CD3D: variants seen among roughly 807,000 people sequenced by gnomAD.
CD3D encodes the protein T-cell surface glycoprotein CD3 delta chain.
CD3D carries 22 observed loss-of-function variants against 22.0 expected under a neutral mutation model. That is an observed-to-expected ratio of 1.00 (90% CI 0.71 to 1.43). The LOEUF (loss-of-function observed/expected upper bound fraction) is 1.43, where lower values mean the gene tolerates loss of function less well. Ranked by LOEUF, CD3D falls within the 40% of genes most tolerant of loss-of-function variation. CD3D has a pLI of 0.00. For synonymous variants in CD3D, 74 were observed against 81.2 expected, an observed-to-expected ratio of 0.91 and a Z score of 0.48; for missense variants, 205 against 211.7, an observed-to-expected ratio of 0.97 and a Z score of 0.20.
intron 4 of CD3D, 111 bp from the exon 5 acceptor site, chr11:118,339,338 C>G: frequency 6.8e-7 from 1 of 1,477,388 alleles, no homozygotes; most frequent in Non-Finnish European, 9.5e-7. Context: ...CAGTCACACC[C>G]AGCAATGAAC....
At chr11:118,340,285 G>A in intron 2 of CD3D, 90 bp downstream of exon 2, 1 of 1,019,528 alleles carries the variant, frequency 9.8e-7, no homozygotes, top group Non-Finnish European at 1.5e-6. Flanking sequence ...TTAGAGAACA[G>A]ATGGGTTCAC....
At chr11:118,341,219 G>A (rs117930635) in intron 1 of CD3D, among the ~76,000 whole-genome samples, 1 of 152,166 alleles carries the variant, frequency 6.6e-6, no homozygotes, top group East Asian at 1.9e-4. Context: ...CAAATCCCAT[G>A]TACAGTTTTC....
intron 1 of CD3D, among the ~76,000 whole-genome samples, chr11:118,341,565 T>C (rs901563526): frequency 5.3e-5 from 8 of 152,194 alleles, no homozygotes; most frequent in Non-Finnish European, 7.3e-5. Flanking sequence ...TATGCATGTA[T>C]CCTCAGGGAG....
chr11:118,339,581 G>A lies in CD3D; in HGVS notation c.407-87C>T. On this transcript the variant is annotated intron_variant, in intron 3 of 4. Transcript: ENST00000300692. ...CACACCCTCAGAAGTCTGCATGAGT[G>A]ATATGAACACACAAGTTCTTTCAAC... is the stretch of plus-strand genomic sequence containing the variant. 1.9e-6 allele frequency: 3 copies of A among 1,573,406 alleles called. No individual in the cohort carries two copies. In the South Asian group the frequency reaches 3.3e-5, roughly 17 times the overall value.
chr11:118,342,046 C>A (rs528174362), intron 1 of CD3D, among the ~76,000 whole-genome samples: 6 of 152,294 alleles, frequency 3.9e-5, no homozygotes, highest in Non-Finnish European at 7.3e-5. Flanking sequence ...ACATTCTAGG[C>A]CCACATGCAC....
At chr11:118,339,049 G>C, downstream of CD3D, 3 of 951,860 alleles carry the variant, frequency 3.2e-6, no homozygotes, top group Non-Finnish European at 5.2e-6. Flanking sequence ...CCTTGCCCAG[G>C]AGCCTTAAGA....
At chr11:118,339,675 G>A in intron 3 of CD3D, 100 bp downstream of exon 3, 1 of 1,580,390 alleles carries the variant, frequency 6.3e-7, no homozygotes, top group Non-Finnish European at 8.6e-7. Flanking sequence ...CCTACCACCA[G>A]CCCCATTCCT....
intron 1 of CD3D, 121 bp from the exon 2 acceptor site, chr11:118,340,714 C>T: frequency 1.3e-6 from 1 of 763,370 alleles, no homozygotes; most frequent in Non-Finnish European, 2.3e-6. Context: ...TTATGGCTTC[C>T]ATCAAGAGAG....
intron 3 of CD3D, 91 bp from the exon 4 acceptor site, chr11:118,339,585 T>G: frequency 6.3e-7 from 1 of 1,575,646 alleles, no homozygotes. Context: ...ATGAGTGATA[T>G]GAACACACAA....
chr11:118,339,648 TC>T, intron 3 of CD3D, 126 bp downstream of exon 3: 1 of 1,563,604 alleles, frequency 6.4e-7, no homozygotes, highest in Non-Finnish European at 8.7e-7. Context: ...CAAGAGTAAC[TC>T]CCAGCTGAGA....
rs67065773 is a variant in CD3D, at chr11:118,339,709, TACACACAC to T, written c.406+58_406+65del. The T allele has an allele frequency of 7.9e-5, 121 of 1,539,232 alleles. No individual in the cohort carries two copies. The East Asian group carries it at 1.5e-3, about 19-fold the overall frequency. On this transcript the variant is annotated intron_variant, in intron 3 of 4. Transcript: ENST00000300692. ...CTTAGCTGGTGCATAAGCTCACTGGTACACACACACACACACACACACACACACACACA... is the reference window on the plus strand; with the variant it reads ...CTTAGCTGGTGCATAAGCTCACTGGTACACACACACACACACACACACACA...
chr11:118,339,262 G>A, intron 4 of CD3D, 35 bp from the exon 5 acceptor site: 1 of 1,594,908 alleles, frequency 6.3e-7, no homozygotes. Context: ...TCAGGAGGCA[G>A]GGTTAGAACT....
intron 1 of CD3D, 74 bp from the exon 2 acceptor site, chr11:118,340,667 A>C: frequency 2.9e-6 from 3 of 1,051,772 alleles, no homozygotes; most frequent in Non-Finnish European, 4.4e-6. Context: ...GCGGAAGCTC[A>C]TACTTAACAG....
intron 1 of CD3D, chr11:118,340,836 AG>A: frequency 1.5e-6 from 1 of 657,054 alleles, no homozygotes; most frequent in East Asian, 3.0e-5. Flanking sequence ...TTGGTGCAAA[AG>A]AGGACCCCTC....
rs1289724465 is a variant in CD3D at position 118,340,422 on chromosome 11, G to A, written c.227C>T (p.Thr76Ile). The A allele has an allele frequency of 1.2e-6, 2 of 1,614,054 alleles. No homozygotes were observed. The highest frequency in any genetic ancestry group is 1.3e-5 in the African/African-American group (1 of 75,012). Residue 76 changes from threonine (T) to isoleucine (I), a missense_variant, in exon 2 of 5, where the codon ACA becomes ATA. By Grantham distance (89) the Thr-to-Ile change is moderately conservative. Transcript: ENST00000300692. The part of the protein sequence containing the change: ...DPRGIYRCNG[T>I]DIYKDKESTV... Reference sequence around the variant, plus strand: ...AGATTCTTTGTCCTTGTATATATCTGTCCCATTACACCTATATATTCCTCG... The same window carrying A: ...AGATTCTTTGTCCTTGTATATATCTATCCCATTACACCTATATATTCCTCG...
At position 118,342,594 on chromosome 11, in the gene CD3D, G is replaced by A. The variant is rs200390025; in HGVS notation, c.14C>T (p.Thr5Met). 19 of 1,613,730 alleles carry A rather than the reference G, an allele frequency of 1.2e-5. No homozygotes were observed. The highest frequency in any genetic ancestry group is 8.8e-5 in the South Asian group (8 of 91,076). MEHS[T>M]FLSGLVLATL... ...AGCCAGTACCAGGCCAGAGAGAAAC[G>A]TGCTATGTTCCATCTCCCAGCGGAA... Residue 5 changes from threonine to methionine, a missense_variant, in exon 1 of 5, where the codon ACG becomes ATG. Thr to Met is a moderately conservative substitution (Grantham distance 81). Transcript: ENST00000300692.
intron 1 of CD3D, among the ~76,000 whole-genome samples, chr11:118,341,290 C>T (rs1357496803): frequency 6.6e-6 from 1 of 152,196 alleles, no homozygotes; most frequent in Admixed American, 6.5e-5. Flanking sequence ...CCCTAGAGCT[C>T]CTCACAAGTC....
chr11:118,340,052 G>C (rs148789206), intron 2 of CD3D, 146 bp from the exon 3 acceptor site: 1 of 935,516 alleles, frequency 1.1e-6, no homozygotes, highest in Non-Finnish European at 1.7e-6. Context: ...TGATGGGCTT[G>C]CCACACCTTC....
Position 118,342,541 on chromosome 11 carries a change from G to T in CD3D, c.55+12C>A, listed in dbSNP as rs1379953201. The T allele has an allele frequency of 1.7e-5, 27 of 1,612,634 alleles. No homozygotes were observed. In the Admixed American group the frequency reaches 4.0e-4, roughly 24 times the overall value. ...TCAGGTCCCTTCCCCCACCCACCTGGAGTAGCCTTACCTTGCGAGAGAAGG... is the reference window on the plus strand; with the variant it reads ...TCAGGTCCCTTCCCCCACCCACCTGTAGTAGCCTTACCTTGCGAGAGAAGG... On this transcript the variant is annotated intron_variant, in intron 1 of 4. Coordinates refer to ENST00000300692, the MANE Select transcript of CD3D (RefSeq NM_000732.6).
Sources: allele counts gnomAD v4.1 joint callset (sites outside exome capture counted in the v4.1 genomes callset), GRCh38; gene constraint gnomAD v4.1.1; transcripts MANE v1.5; gene names NCBI Gene and HGNC (gene_info 2026-07-23, HGNC 2026-07-21).